RBM27: variants seen among roughly 807,000 people sequenced by gnomAD.
RBM27 encodes RNA-binding protein 27.
RBM27 carries 22 observed loss-of-function variants against 135.3 expected under a neutral mutation model. That is an observed-to-expected ratio of 0.16 (90% confidence interval 0.12 to 0.23). RBM27 has a LOEUF of 0.23. Ranked by LOEUF, RBM27 falls within the 10% of genes least tolerant of loss-of-function variation. The probability of loss-of-function intolerance (pLI) is 1.00; values close to 1 mark genes in which losing one functional copy is unlikely to be tolerated. For missense variants in RBM27, 1,009 were observed against 1,281.0 expected (o/e 0.79, Z 3.24); for synonymous variants, 481 against 442.4 (o/e 1.09, Z -1.10).
At chr5:146,207,508 C>T (rs1242742968) in intron 1 of RBM27, among the ~76,000 whole-genome samples, 1 of 150,600 alleles carries the variant, frequency 6.6e-6, no homozygotes, top group African/African-American at 2.4e-5. Context: ...CCACTGCGCC[C>T]AGCCTGTGTG....
intron 1 of RBM27, among the ~76,000 whole-genome samples, chr5:146,218,479 G>T (rs1166907755): frequency 6.6e-6 from 1 of 152,048 alleles, no homozygotes; most frequent in Admixed American, 6.6e-5. Context: ...TTTTTAAAAA[G>T]ATCTTTAAGA....
intron 1 of RBM27, among the ~76,000 whole-genome samples, chr5:146,213,756 A>G (rs541858284): frequency 1.3e-5 from 2 of 152,344 alleles, no homozygotes; most frequent in East Asian, 1.9e-4. Flanking sequence ...TATACGTGCA[A>G]TAGAGATTTC....
At chr5:146,278,058 C>A (rs1371562091) in intron 19 of RBM27, among the ~76,000 whole-genome samples, 1 of 152,126 alleles carries the variant, frequency 6.6e-6, no homozygotes, top group Non-Finnish European at 1.5e-5. Context: ...GCTAAATAAC[C>A]CTTCAGAATG....
chr5:146,249,893 A>G (rs1757808828), intron 8 of RBM27, among the ~76,000 whole-genome samples: 1 of 152,090 alleles, frequency 6.6e-6, no homozygotes, highest in Non-Finnish European at 1.5e-5. Context: ...GCACAGATCA[A>G]CCTACCACCT....
chr5:146,288,616 AATAAC>A lies in RBM27; in HGVS notation c.*2590_*2594del, dbSNP rs1759675030. ...TTTTCTTGGCATCTTCATTTACAGA[AATAAC>A]ATACAGCATCTAAAGCAAGTTCTGT... On this transcript the variant is annotated 3_prime_UTR_variant, in exon 21 of 21. Transcript: ENST00000265271. 1 of 152,122 alleles carries A rather than the reference AATAAC, an allele frequency of 6.6e-6. No individual in the cohort carries two copies. Among genetic ancestry groups the A allele is most frequent in the Non-Finnish European group, 1.5e-5 (1 of 67,962 alleles). The allele number at this position is 152,122 out of a possible 1,614,324, so 9.4% of individuals were successfully genotyped here.
In RBM27 at chr5:146,269,116, GAC is replaced by G. The variant is rs1758751758; in HGVS notation, c.2452-89_2452-88del. 9.1e-6 allele frequency: 7 copies of G among 765,798 alleles called. No homozygotes were observed. The Admixed American group carries it at 1.8e-4, about 20-fold the overall frequency. The allele number at this position is 765,798 out of a possible 1,614,324, so 47.4% of individuals were successfully genotyped here. On this transcript the variant is annotated intron_variant, in intron 15 of 20. Transcript: ENST00000265271. ...GTGTCAGCTATTTTTTTATTAGGAG[GAC>G]AGTCTGTCTCAGGGATGACCCAGAA...
intron 1 of RBM27, among the ~76,000 whole-genome samples, chr5:146,210,482 C>T (rs1755884388): frequency 6.6e-6 from 1 of 151,856 alleles, no homozygotes; most frequent in Non-Finnish European, 1.5e-5. Flanking sequence ...TGTTGGTGTC[C>T]CCTCAAAATT....
chr5:146,206,487 A>T (rs1581125484), intron 1 of RBM27, among the ~76,000 whole-genome samples: 3 of 139,172 alleles, frequency 2.2e-5, no homozygotes, highest in African/African-American at 5.3e-5. Context: ...TCTCCTTTTG[A>T]GTTATATATT....
At chr5:146,274,547 G>T (rs575889469) in intron 19 of RBM27, among the ~76,000 whole-genome samples, 1 of 152,288 alleles carries the variant, frequency 6.6e-6, no homozygotes, top group Non-Finnish European at 1.5e-5. Flanking sequence ...GGGATTACAG[G>T]CATGAGCCAC....
In RBM27 at chr5:146,287,161, A is replaced by C. The variant is rs1759618245; in HGVS notation, c.*1131A>C. 6.6e-6 allele frequency: 1 copy of C among 152,106 alleles called. No homozygotes were observed. The highest frequency in any genetic ancestry group is 2.4e-5 in the African/African-American group (1 of 41,324). The allele number at this position is 152,106 out of a possible 1,614,324, so 9.4% of individuals were successfully genotyped here. A position where few individuals can be genotyped will look rare whatever the true frequency, so the allele number is the denominator to read the frequency against. ...GGAGGTGGGAGGGGGTTGAGGGCTG[A>C]GTATGCTAGTAATAAATGGGAGTCA... On this transcript the variant is annotated 3_prime_UTR_variant, in exon 21 of 21. Transcript: ENST00000265271.
chr5:146,217,197 C>G (rs1756233782), intron 1 of RBM27, among the ~76,000 whole-genome samples: 1 of 151,948 alleles, frequency 6.6e-6, no homozygotes, highest in African/African-American at 2.4e-5. Flanking sequence ...GAACTCCTGA[C>G]CTCAGGTGAT....
intron 11 of RBM27, 132 bp downstream of exon 11, chr5:146,258,725 T>A: frequency 1.4e-6 from 1 of 721,344 alleles, no homozygotes; most frequent in Non-Finnish European, 2.0e-6. Flanking sequence ...CCAGGAGACA[T>A]CTTTAGAATG....
At position 146,203,720 on chromosome 5, in the gene RBM27, G is replaced by C. The variant is rs1362573871; in HGVS notation, c.-46G>C. The C allele has an allele frequency of 2.6e-6, 4 of 1,532,934 alleles. No individual in the cohort carries two copies. The highest frequency in any genetic ancestry group is 3.5e-6 in the Non-Finnish European group (4 of 1,131,140). 95.0% of individuals were successfully genotyped at this position (1,532,934 alleles called of 1,614,324 possible). On this transcript the variant is annotated 5_prime_UTR_variant, in exon 1 of 21. Coordinates refer to ENST00000265271, the MANE Select transcript of RBM27 (RefSeq NM_018989.2). ...AGGGGGCGGCGTAGTGGAGACCCAC[G>C]GCAGGCCTGAAGAAGAGCGGCGGCC...
intron 9 of RBM27, among the ~76,000 whole-genome samples, chr5:146,252,349 G>A (rs113460871): frequency 3.9e-5 from 6 of 152,212 alleles, no homozygotes; most frequent in African/African-American, 1.4e-4. Context: ...ATTGACATAC[G>A]TATTTTGAAG....
At chr5:146,227,760 A>G (rs576276975) in intron 3 of RBM27, among the ~76,000 whole-genome samples, 1 of 152,292 alleles carries the variant, frequency 6.6e-6, no homozygotes, top group South Asian at 2.1e-4. Context: ...AGAATAAAAT[A>G]AAAAAATAAA....
chr5:146,242,760 A>AAT (rs1554080700), intron 8 of RBM27, among the ~76,000 whole-genome samples: 2 of 150,542 alleles, frequency 1.3e-5, no homozygotes, highest in Non-Finnish European at 3.0e-5. Flanking sequence ...AGCCCGGCTA[A>AAT]TTTTTTTTTG....
intron 13 of RBM27, among the ~76,000 whole-genome samples, chr5:146,262,780 T>A (rs1363001988): frequency 1.3e-5 from 2 of 152,206 alleles, no homozygotes; most frequent in Non-Finnish European, 2.9e-5. Context: ...AAACATGTTC[T>A]GTTAGTACAG....
At chr5:146,237,213 C>A in intron 7 of RBM27, 85 bp from the exon 8 acceptor site, 1 of 1,518,742 alleles carries the variant, frequency 6.6e-7, no homozygotes, top group Non-Finnish European at 9.0e-7. Context: ...TTCTGGATTA[C>A]AGGTGTGAGC....
intron 19 of RBM27, among the ~76,000 whole-genome samples, chr5:146,279,982 G>C (rs7724811): frequency 2.0e-5 from 3 of 151,594 alleles, no homozygotes; most frequent in African/African-American, 7.3e-5. Context: ...AAATGTGATC[G>C]TATTATACAT....
Sources: allele counts gnomAD v4.1 joint callset (sites outside exome capture counted in the v4.1 genomes callset), GRCh38; gene constraint gnomAD v4.1.1; transcripts MANE v1.5; gene names NCBI Gene and HGNC (gene_info 2026-07-23, HGNC 2026-07-21).